METTL15: variants seen among roughly 807,000 people sequenced by gnomAD.
METTL15 encodes 12S rRNA N(4)-cytidine methyltransferase METTL15.
A neutral mutation model predicts 38.3 loss-of-function variants in METTL15; 34 were observed. That is an observed-to-expected ratio of 0.89 (90% CI 0.68 to 1.18). The LOEUF is 1.18. Ranked by LOEUF, METTL15 falls within the 50% of genes most tolerant of loss-of-function variation. The pLI is 0.00. For synonymous variants in METTL15, 162 were observed against 170.9 expected, an observed-to-expected ratio of 0.95 and a Z score of 0.41; for missense variants, 438 against 498.4, an observed-to-expected ratio of 0.88 and a Z score of 1.15.
chr11:28,259,227 C>A (rs1217248693), intron 4 of METTL15, among the ~76,000 whole-genome samples: 1 of 152,044 alleles, frequency 6.6e-6, no homozygotes, highest in Non-Finnish European at 1.5e-5. Context: ...CCCTGTCTTG[C>A]TATGGCTACG....
intron 6 of METTL15, among the ~76,000 whole-genome samples, chr11:28,447,783 C>T (rs1851087300): frequency 1.3e-5 from 2 of 152,070 alleles, no homozygotes; most frequent in African/African-American, 2.4e-5. Context: ...GGGAGGGAGA[C>T]TATAAATGCC....
downstream of METTL15, among the ~76,000 whole-genome samples, chr11:28,528,319 C>T (rs769268322): frequency 3.3e-5 from 5 of 152,314 alleles, no homozygotes; most frequent in South Asian, 2.1e-4. Context: ...CACTCAGCAA[C>T]GAACCAGCTG....
intron 4 of METTL15, among the ~76,000 whole-genome samples, chr11:28,358,699 GGA>G (rs1485816177): frequency 6.6e-6 from 1 of 152,070 alleles, no homozygotes; most frequent in Non-Finnish European, 1.5e-5. Flanking sequence ...TGTCTTAAGG[GGA>G]GAGACTATGT....
intron 4 of METTL15, among the ~76,000 whole-genome samples, chr11:28,267,522 C>T (rs1182528772): frequency 6.6e-6 from 1 of 152,154 alleles, no homozygotes; most frequent in Non-Finnish European, 1.5e-5. Flanking sequence ...TTATTAAACT[C>T]TATGATTTAC....
chr11:28,460,100 TAAGATAAATTA>T (rs1259200348), intron 6 of METTL15, among the ~76,000 whole-genome samples: 1 of 151,996 alleles, frequency 6.6e-6, no homozygotes, highest in Non-Finnish European at 1.5e-5. Context: ...TTTATTTAAA[TAAGATAAATTA>T]TTTATCATTA....
Position 28,513,992 on chromosome 11 carries a change from G to T in METTL15, c.*425-12486G>T, listed in dbSNP as rs185036674. 2.3e-3 allele frequency among the ~76,000 whole-genome samples: 357 copies of T among 152,324 alleles called. 3 individuals are homozygous for T. Among genetic ancestry groups the T allele is most frequent in the African/African-American group, 8.2e-3 (341 of 41,582 alleles). On this transcript the variant is annotated intron_variant and NMD_transcript_variant, in intron 6 of 7. Transcript: ENST00000532947. ...GCCAGTTTATGGCCAGATTTTGGGG[G>T]GCCTGTTCCCAACAATGGGGATCTT...
At chr11:28,124,005 A>T in intron 3 of METTL15, 2 of 630,432 alleles carry the variant, frequency 3.2e-6, no homozygotes, top group Non-Finnish European at 4.8e-6. Flanking sequence ...GCACTTTTAT[A>T]TATTATTGAC....
rs570633206 is a variant in METTL15, at chr11:28,223,061, G to A, written c.407+11863G>A. Among the ~76,000 whole-genome samples, 89 of 152,086 alleles carry A rather than the reference G, an allele frequency of 5.9e-4. 1 individual carries two copies. Among genetic ancestry groups the A allele is most frequent in the Middle Eastern group, 3.4e-3 (1 of 294 alleles). On this transcript the variant is annotated intron_variant, in intron 4 of 6. Coordinates refer to ENST00000407364, the MANE Select transcript of METTL15 (RefSeq NM_001113528.2). The stretch of plus-strand genomic sequence containing the variant: ...AAGGATACTTTCATCTATTTTGGGT[G>A]GACATCTTTTAATATAAAACACATA...
chr11:28,131,492 C>T (rs1246425879), intron 3 of METTL15, among the ~76,000 whole-genome samples: 3 of 133,796 alleles, frequency 2.2e-5, no homozygotes, highest in African/African-American at 8.2e-5. Flanking sequence ...TTCTACTATA[C>T]TTCCAAGCAT....
chr11:28,220,819 G>A (rs150788136), intron 4 of METTL15, among the ~76,000 whole-genome samples: 1,903 of 152,116 alleles, frequency 0.013, 39 homozygotes, highest in African/African-American at 0.044. Flanking sequence ...CTTCACTCAC[G>A]AAGCTTAGTT....
At chr11:28,376,613 A>T (rs1185671629) in intron 5 of METTL15, among the ~76,000 whole-genome samples, 5 of 151,998 alleles carry the variant, frequency 3.3e-5, no homozygotes, top group Non-Finnish European at 7.4e-5. Flanking sequence ...CTCTTTATCC[A>T]ATTTGCCAGT....
At chr11:28,312,250 G>T in intron 6 of METTL15, among the ~76,000 whole-genome samples, 1 of 152,172 alleles carries the variant, frequency 6.6e-6, no homozygotes, top group East Asian at 1.9e-4. Flanking sequence ...GTTGAATGGA[G>T]ATTTCTGTTG....
intron 3 of METTL15, among the ~76,000 whole-genome samples, chr11:28,200,179 G>A (rs1852057429): frequency 6.6e-6 from 1 of 152,058 alleles, no homozygotes; most frequent in Non-Finnish European, 1.5e-5. Context: ...AGCAAAGTAG[G>A]TAATTGTGCA....
At chr11:28,217,821 T>G (rs1852970305) in intron 4 of METTL15, among the ~76,000 whole-genome samples, 1 of 152,314 alleles carries the variant, frequency 6.6e-6, no homozygotes, top group South Asian at 2.1e-4. Context: ...AGGGAATCCT[T>G]TCTCCATTTC....
intron 5 of METTL15, among the ~76,000 whole-genome samples, chr11:28,295,158 G>A (rs1446292679): frequency 6.6e-6 from 1 of 152,086 alleles, no homozygotes; most frequent in Non-Finnish European, 1.5e-5. Flanking sequence ...ACAGTGGCAT[G>A]CATTGAGCAT....
downstream of METTL15, among the ~76,000 whole-genome samples, chr11:28,336,661 C>G (rs1306501501): frequency 6.6e-6 from 1 of 152,198 alleles, no homozygotes; most frequent in Non-Finnish European, 1.5e-5. Context: ...AAATTCCTAT[C>G]ACCTTGTGAC....
At chr11:28,310,076 GA>G (rs1332715462) in intron 6 of METTL15, among the ~76,000 whole-genome samples, 24 of 152,176 alleles carry the variant, frequency 1.6e-4, no homozygotes, top group African/African-American at 5.8e-4. Flanking sequence ...ACCTGGTAAA[GA>G]AACCTAGGCA....
At chr11:28,363,738 T>A (rs1024917673) in intron 5 of METTL15, among the ~76,000 whole-genome samples, 2 of 152,172 alleles carry the variant, frequency 1.3e-5, no homozygotes, top group Non-Finnish European at 2.9e-5. Context: ...TGCTTTTGGG[T>A]CTTAGACATA....
At position 28,221,330 on chromosome 11, in the gene METTL15, C is replaced by A. The variant is rs147618031; in HGVS notation, c.407+10132C>A. On this transcript the variant is annotated intron_variant, in intron 4 of 6. Transcript: ENST00000407364. ...TTCATTTGATCTTCCATCACTGATA[C>A]CCTTTGATCCAGTTGATCGAATCGG... Among the ~76,000 whole-genome samples the A allele has an allele frequency of 3.9e-3, 591 of 152,266 alleles. 8 individuals carry two copies. The highest frequency in any genetic ancestry group is 0.014 in the African/African-American group (568 of 41,566).
Sources: allele counts gnomAD v4.1 joint callset (sites outside exome capture counted in the v4.1 genomes callset), GRCh38; gene constraint gnomAD v4.1.1; transcripts MANE v1.5; gene names NCBI Gene and HGNC (gene_info 2026-07-23, HGNC 2026-07-21).